CDH12: variants seen among roughly 807,000 people sequenced by gnomAD.
CDH12 encodes the protein cadherin 12.
In CDH12, 41 loss-of-function variants were observed where a neutral mutation model predicts 74.1. That is an observed-to-expected ratio of 0.55 (90% CI 0.43 to 0.72). The LOEUF (loss-of-function observed/expected upper bound fraction) is 0.72. Among genes scored for constraint, CDH12 ranks in the 30% least tolerant of loss-of-function variants. The pLI is 0.00. For synonymous variants in CDH12, 399 were observed against 355.0 expected (o/e 1.12, Z -1.39); for missense variants, 945 against 977.2 (o/e 0.97, Z 0.44).
chr5:22,060,849 GA>G (rs1165890553), intron 5 of CDH12, among the ~76,000 whole-genome samples: 1 of 152,080 alleles, frequency 6.6e-6, no homozygotes, highest in Non-Finnish European at 1.5e-5. Context: ...CGAAACAAAG[GA>G]GAAGAGTTGC....
chr5:22,736,451 T>TA (rs1366349486), intron 1 of CDH12, among the ~76,000 whole-genome samples: 1 of 151,890 alleles, frequency 6.6e-6, no homozygotes, highest in Non-Finnish European at 1.5e-5. Flanking sequence ...TTGCTTTTTT[T>TA]AAGATTCAAA....
intron 1 of CDH12, among the ~76,000 whole-genome samples, chr5:22,539,876 T>C (rs1289500438): frequency 1.3e-5 from 2 of 152,214 alleles, no homozygotes; most frequent in African/African-American, 2.4e-5. Flanking sequence ...CAAATGATTT[T>C]ATGATGTCAG....
chr5:22,005,155 C>G (rs1405858046), intron 5 of CDH12, among the ~76,000 whole-genome samples: 1 of 152,154 alleles, frequency 6.6e-6, no homozygotes, highest in African/African-American at 2.4e-5. Flanking sequence ...ATTCTCCTGC[C>G]TCAGCCTCCT....
At chr5:22,328,819 T>A (rs1340656061) in intron 3 of CDH12, among the ~76,000 whole-genome samples, 1 of 152,198 alleles carries the variant, frequency 6.6e-6, no homozygotes, top group East Asian at 1.9e-4. Flanking sequence ...AGATCTGTCA[T>A]GGGCTTTTAA....
chr5:21,822,291 A>G (rs776818447), intron 8 of CDH12, among the ~76,000 whole-genome samples: 3 of 148,968 alleles, frequency 2.0e-5, no homozygotes, highest in African/African-American at 4.9e-5. Context: ...TTTTCCTATC[A>G]GAATGGCAAT....
At position 22,416,635 on chromosome 5, in the gene CDH12, C is replaced by T. The variant is rs567684721; in HGVS notation, c.-427-11284G>A. Among the ~76,000 whole-genome samples, 3 of 152,040 alleles carry T rather than the reference C, an allele frequency of 2.0e-5. No individual in the cohort carries two copies. In the South Asian group the frequency reaches 6.2e-4, roughly 32 times the overall value. On this transcript the variant is annotated intron_variant, in intron 2 of 14. Transcript: ENST00000382254. Reference sequence around the variant, plus strand: ...TTTGTCAGTGAGTGGTATAACCTCCCAGCTAGAAAAAGAAAGGAATACATA... The same window carrying T: ...TTTGTCAGTGAGTGGTATAACCTCCTAGCTAGAAAAAGAAAGGAATACATA...
At chr5:21,924,288 AAGGCCG>A (rs1754488953) in intron 6 of CDH12, among the ~76,000 whole-genome samples, 1 of 152,084 alleles carries the variant, frequency 6.6e-6, no homozygotes. Flanking sequence ...AGCACTTTCG[AAGGCCG>A]AGGCCGAGGT....
At chr5:22,721,609 G>T (rs886118556) in intron 1 of CDH12, among the ~76,000 whole-genome samples, 14 of 152,116 alleles carry the variant, frequency 9.2e-5, no homozygotes, top group African/African-American at 3.4e-4. Context: ...AGGCATGATT[G>T]GTTTTGAAAT....
chr5:22,835,759 G>A, intron 1 of CDH12, among the ~76,000 whole-genome samples: 1 of 152,112 alleles, frequency 6.6e-6, no homozygotes, highest in Non-Finnish European at 1.5e-5. Flanking sequence ...CTGTGAATCT[G>A]GGCAAATCTC....
intron 6 of CDH12, among the ~76,000 whole-genome samples, chr5:21,964,887 C>T (rs1362652217): frequency 1.3e-5 from 2 of 151,828 alleles, no homozygotes; most frequent in Non-Finnish European, 2.9e-5. Context: ...TTTTTCTAAA[C>T]AAACAGGAAT....
At position 22,177,163 on chromosome 5, in the gene CDH12, C is replaced by T. The variant is rs182382951; in HGVS notation, c.-187+35335G>A. Among the ~76,000 whole-genome samples the T allele has an allele frequency of 7.3e-3, 1,113 of 152,252 alleles. 13 individuals are homozygous for T. Among genetic ancestry groups the T allele is most frequent in the African/African-American group, 0.026 (1,074 of 41,548 alleles). On this transcript the variant is annotated intron_variant, in intron 4 of 14. Coordinates refer to ENST00000382254, the MANE Select transcript of CDH12 (RefSeq NM_004061.5). The stretch of plus-strand genomic sequence containing the variant: ...CTAGGTGGTTACTCTACCCTCAGTA[C>T]TTAGCACGTTGCAGGTTCTGCAGAA...
At chr5:22,017,631 T>C (rs1280440950) in intron 5 of CDH12, among the ~76,000 whole-genome samples, 1 of 152,042 alleles carries the variant, frequency 6.6e-6, no homozygotes, top group Non-Finnish European at 1.5e-5. Context: ...GAAGAAGATG[T>C]AAATGTGGGA....
intron 4 of CDH12, among the ~76,000 whole-genome samples, chr5:22,159,652 T>C (rs1748213857): frequency 2.0e-5 from 3 of 152,198 alleles, no homozygotes; most frequent in Non-Finnish European, 4.4e-5. Flanking sequence ...AAATACTCAA[T>C]AACTACCACA....
chr5:22,322,339 G>T (rs1738919472), intron 3 of CDH12, among the ~76,000 whole-genome samples: 1 of 146,928 alleles, frequency 6.8e-6, no homozygotes, highest in African/African-American at 2.6e-5. Flanking sequence ...AAATCTGAAG[G>T]TTTCATAAAT....
intron 3 of CDH12, among the ~76,000 whole-genome samples, chr5:22,303,206 A>G (rs1466418998): frequency 6.6e-6 from 1 of 152,098 alleles, no homozygotes; most frequent in African/African-American, 2.4e-5. Context: ...GTTTTAAAAG[A>G]CTCTTCAGAA....
chr5:21,796,046 T>G (rs1746760777), intron 10 of CDH12, among the ~76,000 whole-genome samples: 1 of 152,082 alleles, frequency 6.6e-6, no homozygotes, highest in Non-Finnish European at 1.5e-5. Flanking sequence ...TGAAAATGTT[T>G]TCTGATTATT....
intron 6 of CDH12, among the ~76,000 whole-genome samples, chr5:21,862,267 T>C (rs572155412): frequency 6.6e-6 from 1 of 152,168 alleles, no homozygotes; most frequent in Non-Finnish European, 1.5e-5. Context: ...TGCTATTTTA[T>C]GTATCATGTA....
chr5:21,783,260 C>A, intron 11 of CDH12, 98 bp downstream of exon 11: 1 of 1,054,694 alleles, frequency 9.5e-7, no homozygotes. Context: ...ACTCAGCTGT[C>A]AGTCCAAAAA....
intron 1 of CDH12, among the ~76,000 whole-genome samples, chr5:22,807,648 G>C (rs953134274): frequency 2.0e-5 from 3 of 152,158 alleles, no homozygotes; most frequent in African/African-American, 7.2e-5. Flanking sequence ...ATTGCTCCTA[G>C]GCTACAAACC....
Sources: gnomAD v4.1 joint callset for allele counts (sites outside exome capture counted in the v4.1 genomes callset) on GRCh38, gnomAD v4.1.1 for gene constraint, MANE v1.5 for transcripts, NCBI Gene and HGNC (gene_info 2026-07-23, HGNC 2026-07-21) for gene names.